The following PWWP2A variants were observed in gnomAD, a reference collection of about 807,000 sequenced individuals.
The protein encoded by PWWP2A is PWWP domain-containing protein 2A.
A neutral mutation model predicts 48.5 loss-of-function variants in PWWP2A; 18 were observed. The ratio of observed to expected loss-of-function variants is 0.37; its 90% CI spans 0.26 to 0.55. PWWP2A has a LOEUF of 0.55. Among genes scored for constraint, PWWP2A ranks in the 20% least tolerant of loss-of-function variants. The pLI is 0.81. For synonymous variants in PWWP2A, 396 were observed against 387.7 expected, an observed-to-expected ratio of 1.02 and a Z score of -0.25; for missense variants, 867 against 976.4, an observed-to-expected ratio of 0.89 and a Z score of 1.49.
the PWWP2A span, among the ~76,000 whole-genome samples, chr5:160,052,494 A>T: frequency 1.4e-5 from 2 of 144,218 alleles, no homozygotes; most frequent in African/African-American, 5.0e-5. Context: ...CTCAAAGAAG[A>T]GGGAAAAGAG....
chr5:160,072,412 T>G (rs1420283648), downstream of PWWP2A, among the ~76,000 whole-genome samples: 1 of 152,120 alleles, frequency 6.6e-6, no homozygotes, highest in Non-Finnish European at 1.5e-5. Flanking sequence ...CGCATGAGAA[T>G]GACTGCTTAC....
At chr5:160,110,716 T>C (rs961258802) in intron 1 of PWWP2A, among the ~76,000 whole-genome samples, 2 of 150,724 alleles carry the variant, frequency 1.3e-5, no homozygotes, top group African/African-American at 2.4e-5. Context: ...CAAAATGAAA[T>C]AAAATAAAAT....
At chr5:160,045,554 C>CTCTCTCT in the PWWP2A span, among the ~76,000 whole-genome samples, 167 of 116,020 alleles carry the variant, frequency 1.4e-3, 1 homozygote, top group Middle Eastern at 4.9e-3. Context: ...TCTCTCTCTC[C>CTCTCTCT]CCCTCCCCTC....
At chr5:160,070,214 C>A (rs111871871) in intron 2 of PWWP2A, among the ~76,000 whole-genome samples, 2 of 152,268 alleles carry the variant, frequency 1.3e-5, no homozygotes, top group African/African-American at 4.8e-5. Flanking sequence ...CACCTGTAAT[C>A]CCAACACTTT....
intron 2 of PWWP2A, among the ~76,000 whole-genome samples, chr5:160,067,609 T>C (rs531298779): frequency 1.8e-4 from 27 of 152,268 alleles, no homozygotes; most frequent in African/African-American, 4.6e-4. Context: ...TGAAATCTTA[T>C]AGGATGCTAC....
downstream of PWWP2A, among the ~76,000 whole-genome samples, chr5:160,059,310 G>A (rs536353740): frequency 4.6e-5 from 7 of 152,284 alleles, no homozygotes; most frequent in East Asian, 7.7e-4. Flanking sequence ...CACTTTGCAC[G>A]TTTATGTTAT....
chr5:160,058,719 G>A (rs988681945), downstream of PWWP2A, among the ~76,000 whole-genome samples: 2 of 152,088 alleles, frequency 1.3e-5, no homozygotes, highest in African/African-American at 4.8e-5. Context: ...CCAATGAAGT[G>A]TATTTCTTAA....
At chr5:160,051,236 G>A in the PWWP2A span, 8 of 1,461,620 alleles carry the variant, frequency 5.5e-6, no homozygotes, top group African/African-American at 1.4e-5. Flanking sequence ...ACCTAGGGTG[G>A]GGACATAGCG....
intron 1 of PWWP2A, among the ~76,000 whole-genome samples, chr5:160,101,607 T>C (rs1756298650): frequency 6.6e-6 from 1 of 152,122 alleles, no homozygotes; most frequent in African/African-American, 2.4e-5. Flanking sequence ...AATGTGAATG[T>C]ACTTAACACT....
At chr5:160,095,357 C>T (rs73311155) in intron 1 of PWWP2A, among the ~76,000 whole-genome samples, 1,946 of 152,202 alleles carry the variant, frequency 0.013, 48 homozygotes, top group African/African-American at 0.045. Context: ...ATAACAGTGG[C>T]TTAACGTGCC....
At chr5:160,074,565 G>T (rs1561648538), downstream of PWWP2A, among the ~76,000 whole-genome samples, 3 of 147,402 alleles carry the variant, frequency 2.0e-5, no homozygotes, top group Admixed American at 1.4e-4. Flanking sequence ...TGACCAACAG[G>T]GAGAAACCTC....
Position 160,117,608 on chromosome 5 carries a change from T to C in PWWP2A, c.584+1197A>G, listed in dbSNP as rs189505324. Among the ~76,000 whole-genome samples the C allele has an allele frequency of 3.1e-3, 475 of 150,934 alleles. 4 individuals carry two copies. Among genetic ancestry groups the C allele is most frequent in the African/African-American group, 0.011 (459 of 41,048 alleles). On this transcript the variant is annotated intron_variant, in intron 1 of 1. Transcript: ENST00000307063. ...GGAGGCGGAGGTTGCAGTGAGACGA[T>C]ATGGCGCCACTGCACTCCAGCCTGG... is the stretch of plus-strand genomic sequence containing the variant.
rs2113526936 is a variant in PWWP2A, at chr5:160,092,345, T to C, written c.*37A>G. The C allele has an allele frequency of 2.7e-6, 4 of 1,483,684 alleles. 1 individual carries two copies. In the Middle Eastern group the frequency reaches 5.3e-4, roughly 198 times the overall value. 91.9% of individuals were successfully genotyped at this position (1,483,684 alleles called of 1,614,324 possible). On this transcript the variant is annotated 3_prime_UTR_variant, in exon 2 of 2. Coordinates refer to ENST00000307063, the MANE Select transcript of PWWP2A (RefSeq NM_001130864.2). ...CCTAACTAGACTAGAAAATCTGTGG[T>C]GACTTCCAATGGTCTTGCCTACCTT...
chr5:160,048,725 T>C, the PWWP2A span, among the ~76,000 whole-genome samples: 8 of 152,212 alleles, frequency 5.3e-5, no homozygotes, highest in African/African-American at 1.9e-4. Context: ...CTTAACTCTT[T>C]AATTTGTATC....
At chr5:160,057,771 C>T (rs904192295), downstream of PWWP2A, among the ~76,000 whole-genome samples, 91 of 150,576 alleles carry the variant, frequency 6.0e-4, no homozygotes, top group Non-Finnish European at 1.0e-3. The surrounding 1 kb of genome is among the most constrained non-coding windows in gnomAD (Gnocchi z 4.4). Context: ...GGGGTTTGTG[C>T]GTGTGTGTGT....
chr5:160,061,266 T>G (rs1355629849), downstream of PWWP2A, among the ~76,000 whole-genome samples: 1 of 152,256 alleles, frequency 6.6e-6, no homozygotes, highest in Admixed American at 6.5e-5. Context: ...AAGTGTAAAC[T>G]CTTAGACAAA....
At position 160,091,905 on chromosome 5, in the gene PWWP2A, C is replaced by T. The variant is rs1755098563; in HGVS notation, c.*477G>A. 1.6e-5 allele frequency: 16 copies of T among 984,120 alleles called. No homozygotes were observed. In the South Asian group the frequency reaches 7.1e-4, roughly 43 times the overall value. The allele number at this position is 984,120 out of a possible 1,614,324, so 61.0% of individuals were successfully genotyped here. On this transcript the variant is annotated 3_prime_UTR_variant, in exon 2 of 2. Coordinates refer to ENST00000307063, the MANE Select transcript of PWWP2A (RefSeq NM_001130864.2). ...CCACTATTCCCCCAGCTCACCAAGC[C>T]CTTATTGCAATCCCAAATATGCAAT...
At position 160,119,316 on chromosome 5, in the gene PWWP2A, G is replaced by A; in HGVS notation, c.73C>T (p.Pro25Ser). 1 of 1,387,840 alleles carries A rather than the reference G, an allele frequency of 7.2e-7. No homozygotes were observed. The highest frequency in any genetic ancestry group is 3.5e-5 in the Admixed American group (1 of 28,170). 86.0% of individuals were successfully genotyped at this position (1,387,840 alleles called of 1,614,324 possible). The part of the protein sequence containing the change: ...PGEGGAGEAE[P>S]EMEPIPGSEA... ...CTGCCGGGGATGGGCTCCATCTCCG[G>A]CTCGGCCTCGCCGGCGCCCCCCTCC... Residue 25 changes from proline to serine, a missense_variant, in exon 1 of 2, where the codon CCG (proline) becomes TCG (serine). Physicochemically the swap from Pro to Ser is moderately conservative, Grantham distance 74. This residue lies in a region of PWWP2A where 385 missense variants were observed against 396.9 expected (regional missense o/e 0.97). Transcript: ENST00000307063.
At chr5:160,080,544 A>G (rs1754154795) in intron 3 of PWWP2A, 5 of 1,111,130 alleles carry the variant, frequency 4.5e-6, no homozygotes, top group Non-Finnish European at 5.9e-6. Flanking sequence ...AAACTAAAGA[A>G]AAAGAACTAA....
Sources: allele counts gnomAD v4.1 joint callset (sites outside exome capture counted in the v4.1 genomes callset), GRCh38; gene constraint gnomAD v4.1.1; regional missense constraint gnomAD v4.1.1; non-coding constraint Gnocchi (gnomAD v3.1); transcripts MANE v1.5; gene names NCBI Gene and HGNC (gene_info 2026-07-23, HGNC 2026-07-21).